DAB1: variants seen among roughly 807,000 people sequenced by gnomAD.
DAB1 encodes disabled homolog 1.
A neutral mutation model predicts 64.6 loss-of-function variants in DAB1; 15 were observed. The ratio of observed to expected loss-of-function variants is 0.23; its 90% CI spans 0.16 to 0.36. The LOEUF is 0.36. Ranked by LOEUF, DAB1 falls within the 10% of genes least tolerant of loss-of-function variation. The pLI is 1.00. For missense variants in DAB1, 596 were observed against 706.7 expected, an observed-to-expected ratio of 0.84 and a Z score of 1.78; for synonymous variants, 235 against 251.9, an observed-to-expected ratio of 0.93 and a Z score of 0.64.
chr1:57,040,613 T>C lies in DAB1; in HGVS notation c.724-14570A>G, dbSNP rs1647635328. Among the ~76,000 whole-genome samples, 3 of 152,202 alleles carry C rather than the reference T, an allele frequency of 2.0e-5. No homozygotes were observed. In the South Asian group the frequency reaches 6.2e-4, roughly 32 times the overall value. On this transcript the variant is annotated intron_variant, in intron 9 of 14. Transcript: ENST00000371236. ...GCATTGCTACTTTAATGGCTTTTGA[T>C]AGAACAAACAGATATGCACAGGTAT...
chr1:57,343,308 G>T (rs180810984), intron 1 of DAB1, among the ~76,000 whole-genome samples: 1 of 152,172 alleles, frequency 6.6e-6, no homozygotes, highest in African/African-American at 2.4e-5. Flanking sequence ...ATAGAGCGCC[G>T]ATTGGTATAT....
intron 6 of DAB1, among the ~76,000 whole-genome samples, chr1:57,683,250 T>C (rs1646657524): frequency 6.6e-6 from 1 of 152,096 alleles, no homozygotes; most frequent in South Asian, 2.1e-4. Context: ...TGAAAGAACG[T>C]GGTCTATCTC....
intron 7 of DAB1, among the ~76,000 whole-genome samples, chr1:57,523,097 C>T (rs1280732665): frequency 6.6e-6 from 1 of 152,114 alleles, no homozygotes; most frequent in Non-Finnish European, 1.5e-5. Flanking sequence ...TCATGTGAGC[C>T]AATTCTTCTT....
intron 4 of DAB1, among the ~76,000 whole-genome samples, chr1:58,281,485 C>G (rs879782756): frequency 1.3e-5 from 2 of 152,148 alleles, no homozygotes; most frequent in Non-Finnish European, 2.9e-5. Context: ...CACCTCTCAT[C>G]TGAATACATA....
intron 1 of DAB1, among the ~76,000 whole-genome samples, chr1:58,542,903 T>C (rs1646643474): frequency 6.6e-6 from 1 of 152,000 alleles, no homozygotes; most frequent in Non-Finnish European, 1.5e-5. Flanking sequence ...CACAGGAATA[T>C]AAGGGCATGT....
At chr1:58,460,195 C>T (rs1409242536) in intron 3 of DAB1, among the ~76,000 whole-genome samples, 1 of 152,062 alleles carries the variant, frequency 6.6e-6, no homozygotes, top group Admixed American at 6.5e-5. Context: ...TATATATATA[C>T]CATTTTACTA....
At chr1:58,528,175 A>G (rs11809508) in intron 1 of DAB1, among the ~76,000 whole-genome samples, 20,222 of 152,252 alleles carry the variant, frequency 0.13, 1,483 homozygotes, top group African/African-American at 0.19. Flanking sequence ...ATATCATATA[A>G]TGCCTTCACT....
intron 5 of DAB1, among the ~76,000 whole-genome samples, chr1:57,988,039 T>A (rs935357019): frequency 6.6e-6 from 1 of 152,142 alleles, no homozygotes; most frequent in African/African-American, 2.4e-5. Flanking sequence ...TTGTCCCTAC[T>A]GAGCTTGGGG....
At chr1:57,426,992 T>C (rs1017066831), upstream of DAB1, among the ~76,000 whole-genome samples, 3 of 151,662 alleles carry the variant, frequency 2.0e-5, no homozygotes, top group African/African-American at 7.3e-5. Flanking sequence ...GCCTCTCAAG[T>C]AGCTGGGACT....
chr1:57,257,887 C>G (rs1244156641), intron 2 of DAB1, among the ~76,000 whole-genome samples: 1 of 152,194 alleles, frequency 6.6e-6, no homozygotes, highest in Non-Finnish European at 1.5e-5. Flanking sequence ...CAGCCATCCT[C>G]TTAAAAGAAC....
chr1:57,803,658 A>G (rs1651232637), intron 6 of DAB1, among the ~76,000 whole-genome samples: 1 of 152,182 alleles, frequency 6.6e-6, no homozygotes, highest in Non-Finnish European at 1.5e-5. Flanking sequence ...AAATCCTGTG[A>G]CTCCGTCAAT....
chr1:57,276,723 A>C (rs771272481), intron 2 of DAB1, among the ~76,000 whole-genome samples: 5 of 152,224 alleles, frequency 3.3e-5, no homozygotes, highest in Non-Finnish European at 7.3e-5. Flanking sequence ...TCATAAATAA[A>C]TCTGAACCCC....
chr1:58,072,354 C>T (rs950138613), intron 5 of DAB1, among the ~76,000 whole-genome samples: 8 of 152,310 alleles, frequency 5.3e-5, no homozygotes, highest in Admixed American at 4.6e-4. Flanking sequence ...GAGGTAGTTA[C>T]TGTCATTATC....
chr1:58,517,864 C>T (rs1646181580), intron 2 of DAB1, among the ~76,000 whole-genome samples: 1 of 151,840 alleles, frequency 6.6e-6, no homozygotes, highest in African/African-American at 2.4e-5. Context: ...AAATTCTGGT[C>T]AATGTCTTCT....
intron 5 of DAB1, among the ~76,000 whole-genome samples, chr1:58,132,331 C>T (rs990657953): frequency 2.6e-5 from 4 of 152,148 alleles, no homozygotes; most frequent in South Asian, 2.1e-4. Flanking sequence ...GCACGGTGCA[C>T]GCACCCACTG....
At chr1:57,399,033 A>G (rs890797990) in intron 1 of DAB1, among the ~76,000 whole-genome samples, 4 of 152,100 alleles carry the variant, frequency 2.6e-5, no homozygotes, top group South Asian at 2.1e-4. Flanking sequence ...CTTCCTTCCA[A>G]TTTGGTCTGT....
At chr1:57,665,264 C>T (rs184334467) in intron 6 of DAB1, among the ~76,000 whole-genome samples, 6 of 151,790 alleles carry the variant, frequency 4.0e-5, no homozygotes, top group African/African-American at 1.2e-4. Context: ...TGGAAGCAAC[C>T]AAATACATGA....
intron 7 of DAB1, among the ~76,000 whole-genome samples, chr1:57,429,238 G>C (rs1198912496): frequency 2.0e-5 from 3 of 152,094 alleles, no homozygotes; most frequent in Non-Finnish European, 4.4e-5. Flanking sequence ...GATGATTCGT[G>C]ATATTAAGCA....
rs1557658060 is a variant in DAB1 at position 58,118,611 on chromosome 1, T to TATATATATAAAATACATATATATAC, written n.387+31899_387+31900insGTATATATATGTATTTTATATATAT. Among the ~76,000 whole-genome samples, 2 of 43,880 alleles carry TATATATATAAAATACATATATATAC rather than the reference T, an allele frequency of 4.6e-5. 1 individual carries two copies. Among genetic ancestry groups the TATATATATAAAATACATATATATAC allele is most frequent in the Non-Finnish European group, 7.2e-5 (2 of 27,706 alleles). 28.8% of individuals were successfully genotyped at this position (43,880 alleles called of 152,430 possible). A position where few individuals can be genotyped will look rare whatever the true frequency, so the allele number is the denominator to read the frequency against. On this transcript the variant is annotated intron_variant and non_coding_transcript_variant, in intron 5 of 20. Transcript: ENST00000485760. ...ATATAAAATACTATATATATATACA[T>TATATATATAAAATACATATATATAC]ATATATATATAAAATACATATATAT... is the stretch of plus-strand genomic sequence containing the variant.
Sources: allele counts gnomAD v4.1 joint callset (sites outside exome capture counted in the v4.1 genomes callset), GRCh38; gene constraint gnomAD v4.1.1; transcripts MANE v1.5; gene names NCBI Gene and HGNC (gene_info 2026-07-23, HGNC 2026-07-21).